KCNQ3: variants seen among roughly 807,000 people sequenced by gnomAD.
The protein encoded by KCNQ3 is potassium voltage-gated channel subfamily Q member 3, also known as potassium voltage-gated channel subfamily KQT member 3.
In KCNQ3, 30 loss-of-function variants were observed where a neutral mutation model predicts 92.5. The observed-to-expected ratio is 0.32, with a 90% CI of 0.24 to 0.44. The LOEUF (loss-of-function observed/expected upper bound fraction) is 0.44, where lower values mean the gene tolerates loss of function less well. Ranked by LOEUF, KCNQ3 falls within the 20% of genes least tolerant of loss-of-function variation. The probability of loss-of-function intolerance (pLI) is 1.00; values close to 1 mark genes in which losing one functional copy is unlikely to be tolerated. For missense variants in KCNQ3, 913 were observed against 1,140.3 expected (o/e 0.80, Z 2.87); for synonymous variants, 450 against 468.8 (o/e 0.96, Z 0.52).
intron 1 of KCNQ3, among the ~76,000 whole-genome samples, chr8:132,405,152 T>C (rs761579074): frequency 6.6e-5 from 10 of 152,336 alleles, no homozygotes; most frequent in Admixed American, 3.3e-4. Flanking sequence ...AGTTTGCCAC[T>C]GAGCTGCCAC....
Position 132,129,791 on chromosome 8 carries a change from T to C in KCNQ3, c.2090A>G (p.Tyr697Cys), listed in dbSNP as rs1328550383. 2 of 1,614,044 alleles carry C rather than the reference T, an allele frequency of 1.2e-6. No individual in the cohort carries two copies. The highest frequency in any genetic ancestry group is 1.3e-5 in the African/African-American group (1 of 74,912). The change falls in exon 15 of 15, where the codon TAC (tyrosine) becomes TGC (cysteine). Residue 697 changes from tyrosine (Y) to cysteine (C), a missense_variant. Around this residue, in one of 6 missense-constraint regions of KCNQ3, gnomAD observed 375 missense variants for 376.4 expected, o/e 1.00. Coordinates refer to ENST00000388996, the MANE Select transcript of KCNQ3 (RefSeq NM_004519.4). The surrounding 1 kb of genome is among the most constrained non-coding windows in gnomAD (Gnocchi z 5.9). ...YSETGPPEPP[Y>C]SFHQVTIDKV... ...GTCAATGGTCACCTGGTGGAAGCTG[T>C]AGGGTGGTTCCGGGGGGCCTGTCTC...
At chr8:132,225,329 A>G (rs1814377312) in intron 1 of KCNQ3, among the ~76,000 whole-genome samples, 2 of 152,212 alleles carry the variant, frequency 1.3e-5, no homozygotes, top group African/African-American at 2.4e-5. Flanking sequence ...AAAATCAGGT[A>G]GTCCACCTGG....
chr8:132,337,459 G>T (rs540487656), intron 1 of KCNQ3, among the ~76,000 whole-genome samples: 1 of 152,028 alleles, frequency 6.6e-6, no homozygotes, highest in East Asian at 1.9e-4. Context: ...GATTGTGATC[G>T]TATCACTGTA....
At position 132,437,051 on chromosome 8, in the gene KCNQ3, G is replaced by A. The variant is rs1020830760; in HGVS notation, c.386+43096C>T. On this transcript the variant is annotated intron_variant, in intron 1 of 14. Transcript: ENST00000388996. ...TCCCAGCACTTTGGGAGGCCGAGGC[G>A]GGCGGATCACGAGGTCAGGAGATCG... Among the ~76,000 whole-genome samples the A allele has an allele frequency of 5.3e-5, 8 of 151,496 alleles. No homozygotes were observed. In the South Asian group the frequency reaches 6.3e-4, roughly 12 times the overall value.
rs531548931 is a variant in KCNQ3, at chr8:132,356,166, A to G, written c.386+123981T>C. On this transcript the variant is annotated intron_variant, in intron 1 of 14. Coordinates refer to ENST00000388996, the MANE Select transcript of KCNQ3 (RefSeq NM_004519.4). ...GGCACTGAGTGGAGGCTCCATGAATATTAGTTCCTTGTTATTCAGAAAGTA... is the reference window on the plus strand; with the variant it reads ...GGCACTGAGTGGAGGCTCCATGAATGTTAGTTCCTTGTTATTCAGAAAGTA... 5.2e-4 allele frequency among the ~76,000 whole-genome samples: 79 copies of G among 152,320 alleles called. 1 individual carries two copies. Among genetic ancestry groups the G allele is most frequent in the African/African-American group, 1.9e-3 (79 of 41,566 alleles).
intron 1 of KCNQ3, among the ~76,000 whole-genome samples, chr8:132,283,159 T>C (rs1816583302): frequency 6.6e-6 from 1 of 151,928 alleles, no homozygotes; most frequent in Non-Finnish European, 1.5e-5. Flanking sequence ...GTTGAGTATC[T>C]GCTCCATTGC....
At chr8:132,409,359 A>C (rs1160972487) in intron 1 of KCNQ3, among the ~76,000 whole-genome samples, 1 of 152,008 alleles carries the variant, frequency 6.6e-6, no homozygotes, top group Non-Finnish European at 1.5e-5. Context: ...TGATCCCCTG[A>C]CCTTGGACCA....
intron 7 of KCNQ3, 95 bp from the exon 8 acceptor site, chr8:132,170,523 C>T (rs1826297042): frequency 3.7e-6 from 3 of 810,266 alleles, no homozygotes; most frequent in Non-Finnish European, 6.4e-6. Flanking sequence ...AAGCCCTGGA[C>T]TCCTAAGAAT....
chr8:132,287,137 C>A (rs1816700462), intron 1 of KCNQ3, among the ~76,000 whole-genome samples: 1 of 152,218 alleles, frequency 6.6e-6, no homozygotes, highest in Admixed American at 6.5e-5. Flanking sequence ...CCTGATCTTT[C>A]TCCTCTAACT....
At chr8:132,394,406 C>T (rs773128273) in intron 1 of KCNQ3, among the ~76,000 whole-genome samples, 113 of 152,150 alleles carry the variant, frequency 7.4e-4, no homozygotes, top group Non-Finnish European at 1.2e-3. Context: ...GACTCAGTTT[C>T]CCTATGTCAT....
At chr8:132,370,341 A>G (rs1267015505) in intron 1 of KCNQ3, among the ~76,000 whole-genome samples, 1 of 152,238 alleles carries the variant, frequency 6.6e-6, no homozygotes, top group Non-Finnish European at 1.5e-5. Flanking sequence ...TGAGCAATTG[A>G]AACTTCTTGC....
chr8:132,429,861 C>CAAAAA (rs374921143), intron 1 of KCNQ3, among the ~76,000 whole-genome samples: 1,347 of 63,962 alleles, frequency 0.021, 32 homozygotes, highest in African/African-American at 0.075. Context: ...AACTCCTTCT[C>CAAAAA]AAAAAAAAAA....
chr8:132,172,033 T>C (rs1299125690), intron 7 of KCNQ3, among the ~76,000 whole-genome samples: 3 of 151,866 alleles, frequency 2.0e-5, no homozygotes, highest in African/African-American at 7.3e-5. Flanking sequence ...TCTAGTGGTG[T>C]ACATGGTGGT....
At chr8:132,136,146 A>AAAAAAAAAAAAG (rs1563765951) in intron 12 of KCNQ3, among the ~76,000 whole-genome samples, 1 of 137,012 alleles carries the variant, frequency 7.3e-6, no homozygotes, top group Non-Finnish European at 1.6e-5. Context: ...AAAAAAAAAA[A>AAAAAAAAAAAAG]GAAAAGAGAA....
intron 1 of KCNQ3, among the ~76,000 whole-genome samples, chr8:132,404,856 C>T (rs372377137): frequency 9.3e-4 from 142 of 152,256 alleles, no homozygotes; most frequent in East Asian, 4.1e-3. Flanking sequence ...TCTTAATCTT[C>T]GCAATAACCC....
At chr8:132,450,469 C>G (rs534837879) in intron 1 of KCNQ3, among the ~76,000 whole-genome samples, 1 of 152,174 alleles carries the variant, frequency 6.6e-6, no homozygotes, top group Admixed American at 6.5e-5. Flanking sequence ...AGTCCCCACT[C>G]GACCCAGGAA....
chr8:132,428,633 T>C (rs1419604714), intron 1 of KCNQ3, among the ~76,000 whole-genome samples: 1 of 152,170 alleles, frequency 6.6e-6, no homozygotes, highest in Non-Finnish European at 1.5e-5. Flanking sequence ...TTTCTTTTAT[T>C]AGGTTTTAAA....
chr8:132,419,465 A>G (rs1820907655), intron 1 of KCNQ3, among the ~76,000 whole-genome samples: 1 of 152,164 alleles, frequency 6.6e-6, no homozygotes, highest in African/African-American at 2.4e-5. Flanking sequence ...TTCACACAAA[A>G]AACATCCAGT....
chr8:132,163,388 G>T (rs1826049144), intron 9 of KCNQ3, 80 bp downstream of exon 9: 7 of 1,188,446 alleles, frequency 5.9e-6, no homozygotes, highest in Non-Finnish European at 8.8e-6. Context: ...GACCTCCCAT[G>T]GGGCCCTACA....
Sources: gnomAD v4.1 joint callset for allele counts (sites outside exome capture counted in the v4.1 genomes callset) on GRCh38, gnomAD v4.1.1 for gene constraint, gnomAD v4.1.1 regional missense constraint, Gnocchi (gnomAD v3.1) non-coding constraint, MANE v1.5 for transcripts, NCBI Gene and HGNC (gene_info 2026-07-23, HGNC 2026-07-21) for gene names.